MYO9B: variants seen among roughly 807,000 people sequenced by gnomAD.
The protein encoded by MYO9B is unconventional myosin-IXb.
Under a neutral mutation model 229.5 loss-of-function variants are expected in MYO9B, and 71 were observed. The observed-to-expected ratio is 0.31, with a 90% CI of 0.26 to 0.38. The LOEUF (loss-of-function observed/expected upper bound fraction) is 0.38. Among genes scored for constraint, MYO9B ranks in the 10% least tolerant of loss-of-function variants. MYO9B has a pLI of 1.00. For synonymous variants in MYO9B, 1,185 were observed against 1,235.8 expected (o/e 0.96, Z 0.86); for missense variants, 2,255 against 2,920.5 (o/e 0.77, Z 5.25).
At chr19:17,096,981 C>T (rs1392403994) in intron 1 of MYO9B, among the ~76,000 whole-genome samples, 1 of 112,490 alleles carries the variant, frequency 8.9e-6, no homozygotes, top group Admixed American at 8.9e-5. Flanking sequence ...TGAGCCACCA[C>T]GCCCGGCCTG....
intron 2 of MYO9B, among the ~76,000 whole-genome samples, chr19:17,143,326 C>T (rs749829154): frequency 6.6e-6 from 1 of 152,062 alleles, no homozygotes; most frequent in Non-Finnish European, 1.5e-5. Flanking sequence ...TGGCTATACA[C>T]CTCTGTATTT....
At chr19:17,096,706 G>GTTGGT (rs2057695174) in intron 1 of MYO9B, among the ~76,000 whole-genome samples, 1 of 21,386 alleles carries the variant, frequency 4.7e-5, no homozygotes, top group Non-Finnish European at 8.9e-5. Flanking sequence ...GTTGTTGTTG[G>GTTGGT]TTTTTTTTTT....
Position 17,212,037 on chromosome 19 carries a change from G to T in MYO9B, c.6201G>T (p.Thr2067=). ...CCCGGCGGACCCCCATCATGCCCACGGCCAACATCAAGCTCCCACCAGGCC... is the reference window on the plus strand; with the variant it reads ...CCCGGCGGACCCCCATCATGCCCACTGCCAACATCAAGCTCCCACCAGGCC... ...KTPRRTPIMP[T]ANIKLPPGLP... The change falls in exon 40 of 40, where the codon ACG becomes ACT. Residue 2067 remains threonine (T), a synonymous_variant. Coordinates refer to ENST00000682292, the MANE Select transcript of MYO9B (RefSeq NM_004145.4). The surrounding 1 kb of genome is among the most constrained non-coding windows in gnomAD (Gnocchi z 5.4). The T allele has an allele frequency of 6.5e-7, 1 of 1,532,132 alleles. No homozygotes were observed. The highest frequency in any genetic ancestry group is 1.4e-5 in the African/African-American group (1 of 70,602). The allele number at this position is 1,532,132 out of a possible 1,614,324, so 94.9% of individuals were successfully genotyped here.
chr19:17,091,728 C>G (rs1600026785), intron 1 of MYO9B, among the ~76,000 whole-genome samples: 1 of 152,098 alleles, frequency 6.6e-6, no homozygotes, highest in East Asian at 1.9e-4. Flanking sequence ...CCCACCACCC[C>G]CATCCCACTC....
At chr19:17,190,501 C>T (rs1250321306) in intron 19 of MYO9B, among the ~76,000 whole-genome samples, 1 of 151,216 alleles carries the variant, frequency 6.6e-6, no homozygotes, top group African/African-American at 2.4e-5. Context: ...ATGGTGGCTA[C>T]AGGACTATGT....
intron 20 of MYO9B, 41 bp downstream of exon 20, chr19:17,191,260 C>T (rs561443306): frequency 1.3e-6 from 2 of 1,590,680 alleles, no homozygotes; most frequent in East Asian, 2.3e-5. Context: ...AACCCACACC[C>T]TGCCTTCCAC....
chr19:17,084,532 T>A (rs1450386200), intron 1 of MYO9B, among the ~76,000 whole-genome samples: 1 of 151,750 alleles, frequency 6.6e-6, no homozygotes, highest in Non-Finnish European at 1.5e-5. Flanking sequence ...CTCAACCTTC[T>A]TCATGTTGGT....
chr19:17,164,502 T>C (rs1454870291), intron 10 of MYO9B, among the ~76,000 whole-genome samples: 1 of 151,804 alleles, frequency 6.6e-6, no homozygotes. Flanking sequence ...TGCCTCAGCC[T>C]CCCGAGTAGC....
At chr19:17,149,862 A>T (rs2072457802) in intron 3 of MYO9B, among the ~76,000 whole-genome samples, 1 of 152,212 alleles carries the variant, frequency 6.6e-6, no homozygotes, top group Non-Finnish European at 1.5e-5. Flanking sequence ...GTCAAGCGAC[A>T]TTTTGATGCC....
intron 2 of MYO9B, among the ~76,000 whole-genome samples, chr19:17,102,998 C>T (rs1273967705): frequency 6.7e-6 from 1 of 150,058 alleles, no homozygotes; most frequent in Non-Finnish European, 1.5e-5. Flanking sequence ...AAGAGGATCG[C>T]TTGAGCCCAG....
intron 37 of MYO9B, 99 bp downstream of exon 37, chr19:17,210,479 T>C: frequency 7.2e-7 from 1 of 1,394,746 alleles, no homozygotes; most frequent in Non-Finnish European, 9.6e-7. Context: ...AGACAGAGCC[T>C]GTCCTAACCT....
At chr19:17,082,576 A>G (rs1225566608) in intron 1 of MYO9B, among the ~76,000 whole-genome samples, 1 of 151,880 alleles carries the variant, frequency 6.6e-6, no homozygotes, top group Non-Finnish European at 1.5e-5. Context: ...TTTGATTCCC[A>G]GGGTATGGGT....
intron 20 of MYO9B, 34 bp downstream of exon 20, chr19:17,191,253 C>CG: frequency 6.3e-7 from 1 of 1,596,216 alleles, no homozygotes; most frequent in Non-Finnish European, 8.5e-7. Flanking sequence ...CACTACAAAC[C>CG]CACACCCTGC....
In MYO9B at chr19:17,195,449, C is replaced by T. The variant is rs760964539; in HGVS notation, c.4022C>T (p.Thr1341Ile). ...GACCTCAGCGACAGACACCGGGCCA[C>T]AGGGGCCGCCCTCACGCCCACAGAG... is the stretch of plus-strand genomic sequence containing the variant. ...SLDLSDRHRATGAALTPTEER... is the reference protein window; with the variant it reads ...SLDLSDRHRAIGAALTPTEER... Residue 1341 changes from threonine to isoleucine, a missense_variant, in exon 22 of 40, where the codon ACA becomes ATA. This residue lies in a region of MYO9B where 679 missense variants were observed against 770.2 expected (regional missense o/e 0.88). Transcript: ENST00000682292. The surrounding 1 kb of genome is among the most constrained non-coding windows in gnomAD (Gnocchi z 4.5). 6.9e-6 allele frequency: 11 copies of T among 1,602,352 alleles called. No homozygotes were observed. In the African/African-American group the frequency reaches 1.2e-4, roughly 18 times the overall value.
At chr19:17,145,579 TC>T in intron 3 of MYO9B, 88 bp downstream of exon 3, 1 of 1,156,924 alleles carries the variant, frequency 8.6e-7, no homozygotes, top group Non-Finnish European at 1.3e-6. Context: ...GATGTGGAGA[TC>T]ATGGCTGTGT....
At chr19:17,190,298 A>G (rs2072968268) in intron 19 of MYO9B, among the ~76,000 whole-genome samples, 1 of 150,878 alleles carries the variant, frequency 6.6e-6, no homozygotes, top group South Asian at 2.1e-4. Context: ...GGTTCAAGTG[A>G]TTCTCCTTCC....
At chr19:17,082,277 G>A (rs1568650297) in intron 1 of MYO9B, among the ~76,000 whole-genome samples, 1 of 152,164 alleles carries the variant, frequency 6.6e-6, no homozygotes, top group Non-Finnish European at 1.5e-5. Flanking sequence ...GGCAGCAGGC[G>A]AGCCTGTGAC....
At position 17,102,432 on chromosome 19, in the gene MYO9B, G is replaced by A; in HGVS notation, c.715G>A (p.Gly239Ser). Residue 239 changes from glycine to serine, a missense_variant, in exon 2 of 40, where the codon GGT (glycine) becomes AGT (serine). Physicochemically the swap from Gly to Ser is moderately conservative, Grantham distance 56 (BLOSUM62 0). This residue lies in a region of MYO9B where 386 missense variants were observed against 515.2 expected (regional missense o/e 0.75). Coordinates refer to ENST00000682292, the MANE Select transcript of MYO9B (RefSeq NM_004145.4). Reference protein sequence around the residue: ...KRVNQCIVISGESGSGKTQST... With the variant: ...KRVNQCIVISSESGSGKTQST... The stretch of plus-strand genomic sequence containing the variant: ...CGTGAACCAGTGCATCGTGATCTCG[G>A]GTGAGAGCGGCTCCGGCAAGACCCA... 6.2e-7 allele frequency: 1 copy of A among 1,613,954 alleles called. No homozygotes were observed. Among genetic ancestry groups the A allele is most frequent in the South Asian group, 1.1e-5 (1 of 91,076 alleles).
intron 2 of MYO9B, among the ~76,000 whole-genome samples, chr19:17,132,324 T>G (rs1311368806): frequency 6.7e-6 from 1 of 149,710 alleles, no homozygotes; most frequent in Non-Finnish European, 1.5e-5. Context: ...TAGGAGGGAC[T>G]ACAGGCTTGT....
Sources: allele counts gnomAD v4.1 joint callset (sites outside exome capture counted in the v4.1 genomes callset), GRCh38; gene constraint gnomAD v4.1.1; regional missense constraint gnomAD v4.1.1; non-coding constraint Gnocchi (gnomAD v3.1); transcripts MANE v1.5; gene names NCBI Gene and HGNC (gene_info 2026-07-23, HGNC 2026-07-21).